The following IFT80 variants were observed in gnomAD, a reference collection of about 807,000 sequenced individuals.
The protein encoded by IFT80 is intraflagellar transport 80, also known as intraflagellar transport protein 80 homolog.
IFT80 carries 79 observed loss-of-function variants against 107.9 expected under a neutral mutation model. That is an observed-to-expected ratio of 0.73 (90% CI 0.61 to 0.88). IFT80 has a LOEUF of 0.88. IFT80 is among the 40% of genes least tolerant of loss of function. The probability of loss-of-function intolerance (pLI) is 0.00; values close to 1 mark genes in which losing one functional copy is unlikely to be tolerated. For synonymous variants in IFT80, 299 were observed against 300.9 expected (o/e 0.99, Z 0.07); for missense variants, 797 against 914.2 (o/e 0.87, Z 1.65).
At chr3:160,315,405 T>A (rs546407875) in intron 9 of IFT80, among the ~76,000 whole-genome samples, 1 of 152,292 alleles carries the variant, frequency 6.6e-6, no homozygotes, top group East Asian at 1.9e-4. Flanking sequence ...AGGGTAAAGA[T>A]CTTGGGGCCT....
At chr3:160,326,800 G>T (rs1249215310) in intron 8 of IFT80, among the ~76,000 whole-genome samples, 1 of 151,940 alleles carries the variant, frequency 6.6e-6, no homozygotes, top group Non-Finnish European at 1.5e-5. Flanking sequence ...ATTCAATACA[G>T]TATTGGAAGT....
At chr3:160,391,516 C>CA (rs1239426846) in intron 1 of IFT80, 1 of 151,946 alleles carries the variant, frequency 6.6e-6, no homozygotes, top group Non-Finnish European at 1.5e-5. Context: ...ACTAAAAATA[C>CA]AAAAAATTAG....
chr3:160,383,259 A>C (rs1484158375), intron 2 of IFT80, among the ~76,000 whole-genome samples: 1 of 152,202 alleles, frequency 6.6e-6, no homozygotes, highest in African/African-American at 2.4e-5. Context: ...TTTGGCTTGA[A>C]AGGTAAAGGC....
Position 160,307,663 on chromosome 3 carries a change from G to T in IFT80, c.1076C>A (p.Ser359Tyr). 3 of 1,445,452 alleles carry T rather than the reference G, an allele frequency of 2.1e-6. No homozygotes were observed. The highest frequency in any genetic ancestry group is 2.9e-6 in the Non-Finnish European group (3 of 1,026,650). The allele number at this position is 1,445,452 out of a possible 1,614,324, so 89.5% of individuals were successfully genotyped here. ...VSTSLQCYVF[S>Y]TKNWNTPIIF... The stretch of plus-strand genomic sequence containing the variant: ...ATTTTAAGAAATGCAAGATGCTTAC[G>T]AGAACACGTAACATTGAAGAGACGT... Residue 359 changes from serine (S) to tyrosine (Y), a missense_variant and splice_region_variant, in exon 10 of 20, where the codon TCC becomes TAC. Ser to Tyr is a moderately radical substitution (Grantham distance 144, BLOSUM62 -2). Transcript: ENST00000326448.
chr3:160,271,011 T>C lies in IFT80; in HGVS notation c.2100-2475A>G, dbSNP rs529475139. ...AATACATTTAATTATGTAGAAAGAA[T>C]AGAATATGATGTCTAATCCTGCATT... On this transcript the variant is annotated intron_variant, in intron 18 of 19. Coordinates refer to ENST00000326448, the MANE Select transcript of IFT80 (RefSeq NM_020800.3). Among the ~76,000 whole-genome samples, 16 of 152,230 alleles carry C rather than the reference T, an allele frequency of 1.1e-4. No individual in the cohort carries two copies. The South Asian group carries it at 2.7e-3, about 26-fold the overall frequency.
At chr3:160,397,331 T>C (rs1415007188) in intron 1 of IFT80, among the ~76,000 whole-genome samples, 2 of 152,224 alleles carry the variant, frequency 1.3e-5, no homozygotes, top group African/African-American at 4.8e-5. Flanking sequence ...AAGTCATTCC[T>C]TGGCTCAGAA....
intron 7 of IFT80, among the ~76,000 whole-genome samples, chr3:160,356,510 C>T (rs1415252530): frequency 6.6e-6 from 1 of 151,942 alleles, no homozygotes; most frequent in Non-Finnish European, 1.5e-5. Flanking sequence ...ATGTTTAGTT[C>T]TTAGCTTTGT....
chr3:160,292,570 G>T (rs1715654128), intron 12 of IFT80, among the ~76,000 whole-genome samples: 1 of 145,016 alleles, frequency 6.9e-6, no homozygotes, highest in South Asian at 2.1e-4. Context: ...ACCTCCACCT[G>T]CCAGGTTCAA....
chr3:160,364,985 A>C (rs142748492), intron 6 of IFT80, among the ~76,000 whole-genome samples: 19 of 149,902 alleles, frequency 1.3e-4, no homozygotes, highest in African/African-American at 4.2e-4. Context: ...CATGTACCCT[A>C]GAACTTAAAG....
intron 12 of IFT80, among the ~76,000 whole-genome samples, chr3:160,294,124 G>T (rs1315523239): frequency 8.5e-5 from 13 of 152,144 alleles, no homozygotes; most frequent in Admixed American, 8.5e-4. Flanking sequence ...TTAGCCAGTT[G>T]GTCAGAAATG....
intron 5 of IFT80, among the ~76,000 whole-genome samples, chr3:160,371,104 C>T (rs1711506068): frequency 6.6e-6 from 1 of 152,080 alleles, no homozygotes; most frequent in Admixed American, 6.6e-5. Context: ...TGTTTTGGTC[C>T]CCTTGGCAGT....
chr3:160,309,693 A>C (rs1269996736), intron 9 of IFT80, among the ~76,000 whole-genome samples: 1 of 152,282 alleles, frequency 6.6e-6, no homozygotes, highest in East Asian at 1.9e-4. Context: ...ATCTCAAAAA[A>C]AAAATGCAAG....
At chr3:160,341,214 G>A (rs1314758086) in intron 8 of IFT80, among the ~76,000 whole-genome samples, 2 of 151,954 alleles carry the variant, frequency 1.3e-5, no homozygotes, top group East Asian at 3.9e-4. Context: ...GTCTCACCAT[G>A]TTGCCCAGGC....
At chr3:160,312,574 T>TATATATATA (rs1243266844) in intron 9 of IFT80, among the ~76,000 whole-genome samples, 2 of 103,722 alleles carry the variant, frequency 1.9e-5, no homozygotes, top group African/African-American at 7.5e-5. Flanking sequence ...ATGAGTCTTA[T>TATATATATA]ATATATATAA....
intron 8 of IFT80, among the ~76,000 whole-genome samples, chr3:160,347,259 T>C (rs1352336735): frequency 6.6e-6 from 1 of 152,086 alleles, no homozygotes; most frequent in Non-Finnish European, 1.5e-5. Context: ...CCACAATGCT[T>C]TCTTACCAAA....
intron 8 of IFT80, 199 bp from the exon 9 acceptor site, chr3:160,320,138 GC>G: frequency 1.8e-6 from 1 of 543,590 alleles, no homozygotes; most frequent in Non-Finnish European, 3.2e-6. Context: ...AGAACATCAT[GC>G]TAAAACAGTG....
intron 8 of IFT80, among the ~76,000 whole-genome samples, chr3:160,344,566 G>A (rs1720147313): frequency 1.3e-5 from 2 of 152,194 alleles, no homozygotes; most frequent in African/African-American, 4.8e-5. Flanking sequence ...ACAAGTACAG[G>A]CAACCAAAGC....
chr3:160,267,202 T>C (rs1713404485), intron 19 of IFT80, among the ~76,000 whole-genome samples: 1 of 152,136 alleles, frequency 6.6e-6, no homozygotes, highest in Non-Finnish European at 1.5e-5. Flanking sequence ...AGTGCAAAAA[T>C]GTAGATCAAG....
chr3:160,283,178 C>T (rs1390021132), intron 13 of IFT80, among the ~76,000 whole-genome samples: 5 of 152,108 alleles, frequency 3.3e-5, no homozygotes, highest in Admixed American at 2.6e-4. Flanking sequence ...TGATTTTGCT[C>T]AGAAAAAGCC....
Sources: allele counts gnomAD v4.1 joint callset (sites outside exome capture counted in the v4.1 genomes callset), GRCh38; gene constraint gnomAD v4.1.1; transcripts MANE v1.5; gene names NCBI Gene and HGNC (gene_info 2026-07-23, HGNC 2026-07-21).